The following FAT3 variants were observed in gnomAD, a reference collection of about 807,000 sequenced individuals.
FAT3 encodes protocadherin Fat 3.
Under a neutral mutation model 310.2 loss-of-function variants are expected in FAT3, and 95 were observed. That is an observed-to-expected ratio of 0.31 (90% confidence interval 0.26 to 0.36). FAT3 has a LOEUF of 0.36. Among genes scored for constraint, FAT3 ranks in the 10% least tolerant of loss-of-function variants. FAT3 has a pLI of 1.00. For missense variants in FAT3, 5,408 were observed against 5,715.6 expected (o/e 0.95, Z 1.74); for synonymous variants, 2,314 against 2,192.9 (o/e 1.06, Z -1.54).
rs1158871799 is a variant in FAT3 at position 92,800,341 on chromosome 11, T to C, written c.7328T>C (p.Leu2443Pro). The C allele has an allele frequency of 1.2e-6, 2 of 1,613,998 alleles. No homozygotes were observed. The highest frequency in any genetic ancestry group is 4.5e-5 in the East Asian group (2 of 44,866). The change falls in exon 10 of 28, where the codon CTG (leucine) becomes CCG (proline). Residue 2443 changes from leucine to proline, a missense_variant. By Grantham distance (98) the Leu-to-Pro change is moderately conservative. This residue lies in a region of FAT3 where 4,588 missense variants were observed against 4,809.8 expected (regional missense o/e 0.95). Coordinates refer to ENST00000525166, the MANE Select transcript of FAT3 (RefSeq NM_001367949.2). ...TCTGGGAATGACCGGACGAGCTTTCTGATGGACAGCAAGAGTGGAGTTATC... is the reference window on the plus strand; with the variant it reads ...TCTGGGAATGACCGGACGAGCTTTCCGATGGACAGCAAGAGTGGAGTTATC... ...ILSGNDRTSF[L>P]MDSKSGVITL...
rs140704029 is a variant in FAT3, at chr11:92,355,103, G to T, written c.2991G>T (p.Glu997Asp). ...KASGAIRLSK[E>D]LDYEKQQFYN... ...GTGGTGCCATCCGCTTGAGCAAAGA[G>T]CTTGATTATGAGAAACAGCAGTTCT... is the stretch of plus-strand genomic sequence containing the variant. Residue 997 changes from glutamate (E) to aspartate (D), a missense_variant, in exon 2 of 28, where the codon GAG (glutamate) becomes GAT (aspartate). Around this residue, in one of 5 missense-constraint regions of FAT3, gnomAD observed 4,588 missense variants for 4,809.8 expected, o/e 0.95. Coordinates refer to ENST00000525166, the MANE Select transcript of FAT3 (RefSeq NM_001367949.2). 1.9e-6 allele frequency: 3 copies of T among 1,613,758 alleles called. No homozygotes were observed. The highest frequency in any genetic ancestry group is 2.5e-6 in the Non-Finnish European group (3 of 1,179,858).
intron 2 of FAT3, among the ~76,000 whole-genome samples, chr11:92,363,316 T>C (rs910479286): frequency 6.6e-6 from 1 of 152,166 alleles, no homozygotes; most frequent in African/African-American, 2.4e-5. Context: ...AGCTGTATTG[T>C]TTGAAAAAAT....
intron 2 of FAT3, among the ~76,000 whole-genome samples, chr11:92,429,734 CAG>C (rs2135018813): frequency 6.6e-6 from 1 of 152,302 alleles, no homozygotes; most frequent in South Asian, 2.1e-4. Flanking sequence ...AAGGTTTCTG[CAG>C]AGAGATCTGC....
chr11:92,887,280 C>G (rs1949818416), intron 25 of FAT3, among the ~76,000 whole-genome samples, 167 bp downstream of exon 25: 1 of 152,250 alleles, frequency 6.6e-6, no homozygotes, highest in South Asian at 2.1e-4. Flanking sequence ...GTGTCATTGC[C>G]AAAGGAGCCC....
chr11:92,408,915 C>T (rs906097162), intron 2 of FAT3, among the ~76,000 whole-genome samples: 3 of 152,102 alleles, frequency 2.0e-5, no homozygotes, highest in African/African-American at 7.2e-5. Flanking sequence ...GAAGGGCTTG[C>T]TTTGATGAGA....
At chr11:92,276,185 CT>C (rs1946265373) in intron 1 of FAT3, among the ~76,000 whole-genome samples, 1 of 152,026 alleles carries the variant, frequency 6.6e-6, no homozygotes, top group Admixed American at 6.6e-5. Context: ...TACATTAACC[CT>C]TTTTTATTTG....
At position 92,883,392 on chromosome 11, in the gene FAT3, G is replaced by A. The variant is rs766772054; in HGVS notation, c.12936G>A (p.Glu4312=). Residue 4312 remains glutamate, a splice_region_variant and synonymous_variant, in exon 24 of 28, where the codon GAG becomes GAA. Coordinates refer to ENST00000525166, the MANE Select transcript of FAT3 (RefSeq NM_001367949.2). This position sits in a 1 kb window ranked among gnomAD's most constrained non-coding sequence, Gnocchi z 4.2. ...AGAATGGCTGGGACGCGGGAACTGA[G>A]AGTGAGTAGGAAGTGGTAATGCTCA... The part of the protein sequence containing the change: ...IRKNGWDAGT[E]NKGVDDPGEV... 5 of 1,596,938 alleles carry A rather than the reference G, an allele frequency of 3.1e-6. No homozygotes were observed. The highest frequency in any genetic ancestry group is 1.7e-5 in the Admixed American group (1 of 59,480).
rs181587341 is a variant in FAT3, at chr11:92,618,552, C to T, written c.3608-78832C>T. ...AAATGCAGAAATCACCCGTCTTTTG[C>T]GTGACTCACGCTTGGAGCTGTAGAC... On this transcript the variant is annotated intron_variant, in intron 3 of 27. Transcript: ENST00000525166. Among the ~76,000 whole-genome samples, 567 of 152,306 alleles carry T rather than the reference C, an allele frequency of 3.7e-3. 3 individuals carry two copies. The highest frequency in any genetic ancestry group is 6.2e-3 in the Admixed American group (95 of 15,310).
intron 21 of FAT3, among the ~76,000 whole-genome samples, chr11:92,862,913 A>G (rs1023297264): frequency 6.6e-6 from 1 of 152,170 alleles, no homozygotes; most frequent in African/African-American, 2.4e-5. Flanking sequence ...CAGCCAGTCA[A>G]TATCACTTTG....
At chr11:92,386,133 A>G (rs1949612907) in intron 2 of FAT3, among the ~76,000 whole-genome samples, 4 of 152,184 alleles carry the variant, frequency 2.6e-5, no homozygotes, top group Admixed American at 2.6e-4. Context: ...AGAAAGAAAG[A>G]AAGGAAAGAA....
chr11:92,568,729 A>G (rs1344555068), intron 3 of FAT3, among the ~76,000 whole-genome samples: 1 of 152,068 alleles, frequency 6.6e-6, no homozygotes, highest in Non-Finnish European at 1.5e-5. Flanking sequence ...AGATTTGTAC[A>G]TGTCTTGAAT....
rs374158832 is a variant in FAT3 at position 92,316,312 on chromosome 11, A to T, written c.-17-35784A>T. Among the ~76,000 whole-genome samples the T allele has an allele frequency of 1.1e-4, 17 of 152,318 alleles. No homozygotes were observed. In the East Asian group the frequency reaches 3.1e-3, roughly 28 times the overall value. On this transcript the variant is annotated intron_variant, in intron 1 of 27. Coordinates refer to ENST00000525166, the MANE Select transcript of FAT3 (RefSeq NM_001367949.2). ...GAAAAGGAGTGAGATTTCAGTACTC[A>T]GACGCAATCTGTGCCCTAAGATAAC...
At position 92,225,162 on chromosome 11, in the gene FAT3, A is replaced by G. The variant is rs1338589007; in HGVS notation, c.-30A>G. Among the ~76,000 whole-genome samples, 2 of 152,134 alleles carry G rather than the reference A, an allele frequency of 1.3e-5. No individual in the cohort carries two copies. Among genetic ancestry groups the G allele is most frequent in the African/African-American group, 4.8e-5 (2 of 41,440 alleles). On this transcript the variant is annotated 5_prime_UTR_variant, in exon 1 of 28. Transcript: ENST00000525166. The stretch of plus-strand genomic sequence containing the variant: ...GCGCCTCGTAGAGCCGTGGATCGCC[A>G]GCGGAGGCAAGGGTGCGTGGGGATT...
chr11:92,749,778 A>T (rs574799695), intron 4 of FAT3, among the ~76,000 whole-genome samples: 60 of 152,340 alleles, frequency 3.9e-4, no homozygotes, highest in African/African-American at 1.4e-3. Context: ...AAGCATCTTT[A>T]CTACAATTAA....
At chr11:92,559,018 T>C (rs1955123205) in intron 3 of FAT3, among the ~76,000 whole-genome samples, 1 of 152,184 alleles carries the variant, frequency 6.6e-6, no homozygotes, top group Non-Finnish European at 1.5e-5. Context: ...TACTTAATTG[T>C]CACAACAACC....
At chr11:92,887,141 C>A in intron 25 of FAT3, 28 bp downstream of exon 25, 2 of 1,569,756 alleles carry the variant, frequency 1.3e-6, no homozygotes, top group Non-Finnish European at 1.7e-6. Context: ...TTGTTCGGAG[C>A]GGGTGGGTTC....
intron 3 of FAT3, among the ~76,000 whole-genome samples, chr11:92,664,011 G>A (rs1486597490): frequency 6.6e-6 from 1 of 151,908 alleles, no homozygotes; most frequent in African/African-American, 2.4e-5. Flanking sequence ...ATCTTGACAC[G>A]ACCCACCCTC....
chr11:92,492,553 T>C (rs1406457030), intron 2 of FAT3, among the ~76,000 whole-genome samples: 1 of 152,036 alleles, frequency 6.6e-6, no homozygotes, highest in Non-Finnish European at 1.5e-5. Context: ...ACTATGACAA[T>C]GATGATGACA....
At chr11:92,736,613 A>G (rs1240578576) in intron 4 of FAT3, among the ~76,000 whole-genome samples, 1 of 152,082 alleles carries the variant, frequency 6.6e-6, no homozygotes, top group Non-Finnish European at 1.5e-5. Flanking sequence ...TTCTCTGTGA[A>G]CCCCAGGCCA....
Sources: allele counts gnomAD v4.1 joint callset (sites outside exome capture counted in the v4.1 genomes callset), GRCh38; gene constraint gnomAD v4.1.1; regional missense constraint gnomAD v4.1.1; non-coding constraint Gnocchi (gnomAD v3.1); transcripts MANE v1.5; gene names NCBI Gene and HGNC (gene_info 2026-07-23, HGNC 2026-07-21).